The following CCDC66 variants were observed in gnomAD, a reference collection of about 807,000 sequenced individuals.
The protein encoded by CCDC66 is coiled-coil domain-containing protein 66.
In CCDC66, 133 loss-of-function variants were observed where a neutral mutation model predicts 128.3. The ratio of observed to expected loss-of-function variants is 1.04; its 90% CI spans 0.90 to 1.20. The LOEUF is 1.20. CCDC66 is among the 50% of genes most tolerant of loss of function. The probability of loss-of-function intolerance (pLI) is 0.00; values close to 1 mark genes in which losing one functional copy is unlikely to be tolerated. For missense variants in CCDC66, 1,126 were observed against 1,075.5 expected (o/e 1.05, Z -0.66); for synonymous variants, 387 against 357.0 (o/e 1.08, Z -0.95).
intron 10 of CCDC66, among the ~76,000 whole-genome samples, chr3:56,595,241 G>T (rs9985254): frequency 0.32 from 48,972 of 151,960 alleles, 8,340 homozygotes; most frequent in East Asian, 0.48. Context: ...TCATTTCTGT[G>T]TTGGGAACAT....
chr3:56,557,583 C>G (rs2064494164), intron 1 of CCDC66: 1 of 362,050 alleles, frequency 2.8e-6, no homozygotes, highest in Admixed American at 4.4e-5. Context: ...GGAAGCGTGG[C>G]GGCTCCTGGG....
In CCDC66 at chr3:56,617,166, T is replaced by C. The variant is rs1209952111; in HGVS notation, c.1898T>C (p.Met633Thr). Reference sequence around the variant, plus strand: ...GCAGAATCACATTGTGGATCATTAATGGAGAGGGACATCACAAATTGTTCA... The same window carrying C: ...GCAGAATCACATTGTGGATCATTAACGGAGAGGGACATCACAAATTGTTCA... ...TNAESHCGSL[M>T]ERDITNCSSP... The change falls in exon 14 of 18, where the codon ATG (methionine) becomes ACG (threonine). Residue 633 changes from methionine (M) to threonine (T), a missense_variant. Coordinates refer to ENST00000394672, the MANE Select transcript of CCDC66 (RefSeq NM_001141947.3). 2.5e-6 allele frequency: 4 copies of C among 1,609,416 alleles called. No homozygotes were observed. The highest frequency in any genetic ancestry group is 2.7e-5 in the African/African-American group (2 of 74,718).
At chr3:56,580,662 T>C (rs1259592141) in intron 7 of CCDC66, among the ~76,000 whole-genome samples, 6 of 151,716 alleles carry the variant, frequency 4.0e-5, no homozygotes, top group African/African-American at 1.5e-4. Context: ...TTCTCCTTCA[T>C]TTATGAAGCT....
At chr3:56,560,078 C>T (rs967515064) in intron 3 of CCDC66, among the ~76,000 whole-genome samples, 3 of 152,152 alleles carry the variant, frequency 2.0e-5, no homozygotes, top group African/African-American at 7.2e-5. Flanking sequence ...TCCATTTGCC[C>T]ACACCAAAGG....
At chr3:56,576,590 T>C (rs1285211593) in intron 7 of CCDC66, among the ~76,000 whole-genome samples, 1 of 122,510 alleles carries the variant, frequency 8.2e-6, no homozygotes, top group Non-Finnish European at 1.6e-5. Context: ...CGATGTGTGA[T>C]GTTCCCCACC....
rs746709978 is a variant in CCDC66, at chr3:56,618,162, C to T, written c.2338-10C>T. On this transcript the variant is annotated splice_polypyrimidine_tract_variant and intron_variant, in intron 14 of 17. Transcript: ENST00000394672. ...ATATTCCTTTCTGCATTTATCTATC[C>T]ATATTTTAGGAAGAAGAGCCTCTGA... 1.9e-6 allele frequency: 3 copies of T among 1,604,680 alleles called. No individual in the cohort carries two copies. The highest frequency in any genetic ancestry group is 1.3e-5 in the African/African-American group (1 of 74,668).
At chr3:56,600,539 C>T (rs1376588988) in intron 10 of CCDC66, among the ~76,000 whole-genome samples, 1 of 151,966 alleles carries the variant, frequency 6.6e-6, no homozygotes, top group Admixed American at 6.6e-5. Flanking sequence ...GGTTCTGGAT[C>T]CTTGAGGAAT....
At chr3:56,590,120 C>T (rs746754264) in intron 7 of CCDC66, among the ~76,000 whole-genome samples, 2 of 152,110 alleles carry the variant, frequency 1.3e-5, no homozygotes, top group African/African-American at 4.8e-5. Context: ...TAGACAAGGT[C>T]GGCAGGTGGA....
At chr3:56,584,157 G>A (rs1307356467) in intron 7 of CCDC66, among the ~76,000 whole-genome samples, 2 of 68,172 alleles carry the variant, frequency 2.9e-5, no homozygotes, top group Non-Finnish European at 6.4e-5. Flanking sequence ...GGGCGGGGGC[G>A]GCCCCCCACC....
chr3:56,580,833 G>A (rs2068236106), intron 7 of CCDC66, among the ~76,000 whole-genome samples: 1 of 151,792 alleles, frequency 6.6e-6, no homozygotes, highest in African/African-American at 2.4e-5. Flanking sequence ...CTCTCTGGCT[G>A]CCCTTAACAT....
Position 56,593,033 on chromosome 3 carries a change from G to C in CCDC66, c.1000G>C (p.Glu334Gln), listed in dbSNP as rs756396132. ...ACAAGAACTGCAAAGAAAATGGATT[G>C]AAGAGTTGAATAAGCAAATAGAAGA... Reference protein sequence around the residue: ...VKQELQRKWIEELNKQIEDDR... With the variant: ...VKQELQRKWIQELNKQIEDDR... Residue 334 changes from glutamate (E) to glutamine (Q), a missense_variant, in exon 8 of 18, where the codon GAA (glutamate) becomes CAA (glutamine). Physicochemically the swap from Glu to Gln is conservative, Grantham distance 29. Transcript: ENST00000394672. The C allele has an allele frequency of 2.5e-6, 4 of 1,610,022 alleles. No homozygotes were observed. The highest frequency in any genetic ancestry group is 3.4e-6 in the Non-Finnish European group (4 of 1,178,030).
In CCDC66 at chr3:56,562,629, T is replaced by TTA. The variant is rs766653136; in HGVS notation, c.103-1043_103-1042dup. Among the ~76,000 whole-genome samples the TTA allele has an allele frequency of 2.4e-4, 37 of 151,978 alleles. No homozygotes were observed. In the East Asian group the frequency reaches 3.5e-3, roughly 14 times the overall value. Reference sequence around the variant, plus strand: ...TAATATTAGTGCTAGGTAGCACATTTTATATATATATATTTTGTTTGTTTT... The same window carrying TTA: ...TAATATTAGTGCTAGGTAGCACATTTTATATATATATATATTTTGTTTGTTTT... On this transcript the variant is annotated intron_variant, in intron 3 of 17. Transcript: ENST00000394672.
chr3:56,593,395 T>A, intron 8 of CCDC66, 96 bp from the exon 9 acceptor site: 1 of 1,360,652 alleles, frequency 7.3e-7, no homozygotes, highest in East Asian at 2.4e-5. Flanking sequence ...TATTCTGCTC[T>A]AAGGTGACTT....
chr3:56,566,405 G>T (rs1011400750), intron 4 of CCDC66, among the ~76,000 whole-genome samples, 189 bp from the exon 5 acceptor site: 2 of 152,194 alleles, frequency 1.3e-5, no homozygotes, highest in Non-Finnish European at 2.9e-5. Context: ...GACTACAGGT[G>T]TGAGCCACCA....
chr3:56,616,229 A>G (rs2075488861), intron 13 of CCDC66, 176 bp downstream of exon 13: 1 of 515,376 alleles, frequency 1.9e-6, no homozygotes, highest in African/African-American at 2.0e-5. Flanking sequence ...CACAAAATTT[A>G]TCCTACAGTT....
intron 12 of CCDC66, 174 bp downstream of exon 12, chr3:56,615,446 G>A (rs2075371333): frequency 1.6e-6 from 1 of 629,912 alleles, no homozygotes; most frequent in African/African-American, 1.9e-5. Flanking sequence ...ATCTCGCTTT[G>A]TTGCCCAGGC....
chr3:56,612,453 A>G (rs2074973950), intron 10 of CCDC66, among the ~76,000 whole-genome samples: 1 of 152,056 alleles, frequency 6.6e-6, no homozygotes, highest in African/African-American at 2.4e-5. Context: ...AGGGCTGTAT[A>G]CACTGGCATC....
chr3:56,584,258 G>C (rs1277920873), intron 7 of CCDC66, among the ~76,000 whole-genome samples: 88 of 10,936 alleles, frequency 8.0e-3, no homozygotes, highest in Non-Finnish European at 0.02. Flanking sequence ...TCTCAGACGG[G>C]GCGGCTGCCG....
chr3:56,613,369 A>G (rs1488384052), intron 10 of CCDC66, among the ~76,000 whole-genome samples: 1 of 152,190 alleles, frequency 6.6e-6, no homozygotes, highest in Non-Finnish European at 1.5e-5. Flanking sequence ...AATCCTGTCA[A>G]GACAGGCTGC....
Sources: allele counts gnomAD v4.1 joint callset (sites outside exome capture counted in the v4.1 genomes callset), GRCh38; gene constraint gnomAD v4.1.1; transcripts MANE v1.5; gene names NCBI Gene and HGNC (gene_info 2026-07-23, HGNC 2026-07-21).